Variants in RASA2 observed in about 807,000 individuals in gnomAD.
RASA2 encodes ras GTPase-activating protein 2.
In RASA2, 155 loss-of-function variants were observed where a neutral mutation model predicts 118.2. The ratio of observed to expected loss-of-function variants is 1.31; its 90% CI spans 1.15 to 1.50. The LOEUF is 1.50. Ranked by LOEUF, RASA2 falls within the 40% of genes most tolerant of loss-of-function variation. The probability of loss-of-function intolerance (pLI) is 0.00; values close to 1 mark genes in which losing one functional copy is unlikely to be tolerated. For missense variants in RASA2, 1,016 were observed against 1,009.6 expected, an observed-to-expected ratio of 1.01 and a Z score of -0.09; for synonymous variants, 353 against 349.1, an observed-to-expected ratio of 1.01 and a Z score of -0.12.
intron 19 of RASA2, among the ~76,000 whole-genome samples, chr3:141,593,749 A>T (rs2083320970): frequency 6.6e-6 from 1 of 152,234 alleles, no homozygotes; most frequent in South Asian, 2.1e-4. Flanking sequence ...CGCAGTAGTA[A>T]AGACTATATT....
chr3:141,608,819 T>C, intron 21 of RASA2, 122 bp downstream of exon 21: 1 of 1,093,106 alleles, frequency 9.1e-7, no homozygotes, highest in Non-Finnish European at 1.3e-6. Flanking sequence ...GGATGGGACC[T>C]TGAAAAATTA....
In RASA2 at chr3:141,614,453, A is replaced by G. The variant is rs1028804524; in HGVS notation, c.*2140A>G. Reference sequence around the variant, plus strand: ...TAAGACAACCAAGGAATTTGCTTCCAGGGCCCTCATTCCTCTGCTGTTACT... The same window carrying G: ...TAAGACAACCAAGGAATTTGCTTCCGGGGCCCTCATTCCTCTGCTGTTACT... On this transcript the variant is annotated 3_prime_UTR_variant, in exon 24 of 24. Transcript: ENST00000286364. The G allele has an allele frequency of 6.6e-6, 1 of 152,208 alleles. No individual in the cohort carries two copies. The highest frequency in any genetic ancestry group is 1.5e-5 in the Non-Finnish European group (1 of 68,030). 9.4% of individuals were successfully genotyped at this position (152,208 alleles called of 1,614,324 possible).
intron 5 of RASA2, among the ~76,000 whole-genome samples, chr3:141,543,461 G>A (rs1035233448): frequency 1.5e-4 from 23 of 152,278 alleles, no homozygotes; most frequent in Middle Eastern, 3.4e-3. Flanking sequence ...GAAAAGGAAA[G>A]TGTAAGTCTG....
Position 141,541,853 on chromosome 3 carries a change from T to C in RASA2, c.527+1244T>C, listed in dbSNP as rs866023774. 1.3e-4 allele frequency among the ~76,000 whole-genome samples: 20 copies of C among 152,004 alleles called. 1 individual carries two copies. In the Middle Eastern group the frequency reaches 0.027, roughly 207 times the overall value. The stretch of plus-strand genomic sequence containing the variant: ...TGTTTCTCAATTTGGATTTACCTAC[T>C]AAAAATAGTTCAAGATCTGTTTGCA... On this transcript the variant is annotated intron_variant, in intron 5 of 23. Coordinates refer to ENST00000286364, the MANE Select transcript of RASA2 (RefSeq NM_006506.5).
At chr3:141,584,082 C>T (rs1184377072) in intron 17 of RASA2, among the ~76,000 whole-genome samples, 1 of 151,778 alleles carries the variant, frequency 6.6e-6, no homozygotes, top group Non-Finnish European at 1.5e-5. Flanking sequence ...CCTGTAATCC[C>T]AGCACTTTGG....
At chr3:141,531,540 TATATATGC>T (rs1408478368) in intron 4 of RASA2, among the ~76,000 whole-genome samples, 1 of 151,816 alleles carries the variant, frequency 6.6e-6, no homozygotes, top group Non-Finnish European at 1.5e-5. Context: ...TAGATATACA[TATATATGC>T]ATATATGCAT....
chr3:141,509,813 G>A (rs923375839), intron 1 of RASA2, among the ~76,000 whole-genome samples: 9 of 152,122 alleles, frequency 5.9e-5, no homozygotes, highest in East Asian at 1.9e-4. Context: ...GATGAATACC[G>A]GTTCAGATAT....
chr3:141,532,773 C>T (rs377750064), intron 4 of RASA2, among the ~76,000 whole-genome samples: 1 of 152,074 alleles, frequency 6.6e-6, no homozygotes, highest in Non-Finnish European at 1.5e-5. Context: ...AGACCTCCCC[C>T]CTGCCCTGAC....
At chr3:141,584,711 G>A (rs561541985) in intron 17 of RASA2, among the ~76,000 whole-genome samples, 34 of 152,238 alleles carry the variant, frequency 2.2e-4, no homozygotes, top group African/African-American at 7.9e-4. Flanking sequence ...CTGCCACTTA[G>A]TCTTTGTTTT....
chr3:141,543,281 T>G (rs1315118221), intron 5 of RASA2, among the ~76,000 whole-genome samples: 2 of 152,194 alleles, frequency 1.3e-5, no homozygotes, highest in Admixed American at 6.5e-5. Context: ...TGTCAACATT[T>G]TACCAATTAG....
At chr3:141,491,937 T>C (rs1007446168) in intron 1 of RASA2, among the ~76,000 whole-genome samples, 1 of 152,234 alleles carries the variant, frequency 6.6e-6, no homozygotes, top group Admixed American at 6.5e-5. Context: ...CCAGTAAAGT[T>C]GAGTGGAAGA....
chr3:141,605,227 G>A (rs563530617), intron 19 of RASA2, among the ~76,000 whole-genome samples: 39 of 152,146 alleles, frequency 2.6e-4, no homozygotes, highest in African/African-American at 9.4e-4. Flanking sequence ...ACTTTATCTT[G>A]GGGACATTTT....
intron 19 of RASA2, among the ~76,000 whole-genome samples, chr3:141,606,622 A>G (rs879453295): frequency 2.6e-5 from 4 of 152,136 alleles, no homozygotes; most frequent in Non-Finnish European, 4.4e-5. Context: ...TATCTTTTTT[A>G]AAAACATTAT....
intron 7 of RASA2, among the ~76,000 whole-genome samples, chr3:141,558,256 G>C (rs749681233): frequency 5.3e-5 from 8 of 152,196 alleles, no homozygotes; most frequent in Non-Finnish European, 8.8e-5. Context: ...GTACAGCACT[G>C]TGCAGCTCCA....
intron 3 of RASA2, chr3:141,525,797 ACT>A (rs1339432597): frequency 6.6e-6 from 1 of 151,820 alleles, no homozygotes; most frequent in Non-Finnish European, 1.5e-5. Flanking sequence ...GCAGAGCAAG[ACT>A]CTGTCTCAAA....
At chr3:141,506,446 A>G (rs750269067) in intron 1 of RASA2, among the ~76,000 whole-genome samples, 2 of 152,250 alleles carry the variant, frequency 1.3e-5, no homozygotes, top group East Asian at 1.9e-4. Flanking sequence ...AAATGCAAGT[A>G]AAAACCATTT....
intron 19 of RASA2, chr3:141,600,478 G>T: frequency 3.0e-6 from 1 of 330,618 alleles, no homozygotes. Flanking sequence ...AGACAGCTCG[G>T]CGACCTACTT....
At chr3:141,520,469 A>G (rs1022546295) in intron 3 of RASA2, among the ~76,000 whole-genome samples, 1 of 152,150 alleles carries the variant, frequency 6.6e-6, no homozygotes, top group African/African-American at 2.4e-5. Context: ...TCCAAAAGCT[A>G]AGGAACTTGG....
At chr3:141,570,847 C>G in intron 9 of RASA2, 65 bp from the exon 10 acceptor site, 1 of 1,472,528 alleles carries the variant, frequency 6.8e-7, no homozygotes, top group Non-Finnish European at 9.2e-7. Context: ...TAACTTAACT[C>G]TTAACTTGCC....
Sources: allele counts gnomAD v4.1 joint callset (sites outside exome capture counted in the v4.1 genomes callset), GRCh38; gene constraint gnomAD v4.1.1; transcripts MANE v1.5; gene names NCBI Gene and HGNC (gene_info 2026-07-23, HGNC 2026-07-21).